PRR16: variants seen among roughly 807,000 people sequenced by gnomAD.
PRR16 encodes the protein protein Largen.
PRR16 carries 6 observed loss-of-function variants against 18.2 expected under a neutral mutation model. The ratio of observed to expected loss-of-function variants is 0.33; its 90% CI spans 0.18 to 0.65. PRR16 has a LOEUF of 0.65. Ranked by LOEUF, PRR16 falls within the 30% of genes least tolerant of loss-of-function variation. PRR16 has a pLI of 0.74. For missense variants in PRR16, 412 were observed against 376.6 expected (o/e 1.09, Z -0.78); for synonymous variants, 151 against 147.8 (o/e 1.02, Z -0.16).
chr5:120,531,487 A>T (rs1404300), intron 1 of PRR16: 1 of 151,702 alleles, frequency 6.6e-6, no homozygotes, highest in African/African-American at 2.4e-5. Flanking sequence ...TCCAGCTTTT[A>T]ATCCGTAATG....
chr5:120,467,398 T>G (rs966587294), intron 1 of PRR16, among the ~76,000 whole-genome samples: 1 of 152,164 alleles, frequency 6.6e-6, no homozygotes, highest in African/African-American at 2.4e-5. Flanking sequence ...ATATAGTATT[T>G]ATTTTTTCTT....
chr5:120,778,539 G>C, the PRR16 span, among the ~76,000 whole-genome samples: 315 of 152,258 alleles, frequency 2.1e-3, 1 homozygote, highest in African/African-American at 7.2e-3. Flanking sequence ...ACGCCGTCTT[G>C]AATAGACAAC....
chr5:120,589,682 T>A (rs572447029), intron 1 of PRR16, among the ~76,000 whole-genome samples: 2 of 152,168 alleles, frequency 1.3e-5, no homozygotes, highest in East Asian at 3.9e-4. Context: ...AAATCCCTGA[T>A]AAAACCATCA....
At chr5:120,487,830 C>T (rs188294953) in intron 1 of PRR16, among the ~76,000 whole-genome samples, 2 of 152,132 alleles carry the variant, frequency 1.3e-5, no homozygotes, top group East Asian at 3.9e-4. Context: ...CCAACAGTAC[C>T]GAATTTATTG....
intron 1 of PRR16, among the ~76,000 whole-genome samples, chr5:120,665,987 C>A (rs994200753): frequency 1.3e-5 from 2 of 152,026 alleles, no homozygotes; most frequent in African/African-American, 4.8e-5. Flanking sequence ...TTTTCCAATT[C>A]TGTGAAGAAA....
chr5:120,767,830 AC>A, the PRR16 span, among the ~76,000 whole-genome samples: 130 of 151,832 alleles, frequency 8.6e-4, 3 homozygotes, highest in South Asian at 0.024. Flanking sequence ...CAATTCCAAT[AC>A]CCCTTCCAAA....
intron 1 of PRR16, among the ~76,000 whole-genome samples, chr5:120,591,822 G>A (rs1753644732): frequency 6.6e-6 from 1 of 152,066 alleles, no homozygotes; most frequent in African/African-American, 2.4e-5. Context: ...GATTAATCGT[G>A]TTGTAAATAA....
chr5:120,754,639 AAG>A, the PRR16 span, among the ~76,000 whole-genome samples: 2 of 126,958 alleles, frequency 1.6e-5, no homozygotes, highest in African/African-American at 6.1e-5. Context: ...ATAATATATA[AAG>A]TATTTATATA....
intron 1 of PRR16, among the ~76,000 whole-genome samples, chr5:120,494,211 T>A (rs1750163629): frequency 6.6e-6 from 1 of 152,146 alleles, no homozygotes. Context: ...CGTCACTACT[T>A]TTTTCTAGTT....
chr5:120,575,908 GC>G (rs1040518872), intron 1 of PRR16, among the ~76,000 whole-genome samples: 8 of 152,118 alleles, frequency 5.3e-5, no homozygotes, highest in Non-Finnish European at 5.9e-5. Context: ...AAGCAAAGGT[GC>G]CAGGTACACA....
At chr5:120,727,761 T>A in the PRR16 span, among the ~76,000 whole-genome samples, 2 of 152,070 alleles carry the variant, frequency 1.3e-5, no homozygotes. Context: ...CATAGATATG[T>A]TAGATATCTA....
Position 120,602,287 on chromosome 5 carries a change from T to C in PRR16, c.160-83667T>C, listed in dbSNP as rs561635380. 2.0e-5 allele frequency among the ~76,000 whole-genome samples: 3 copies of C among 152,212 alleles called. No individual in the cohort carries two copies. In the East Asian group the frequency reaches 5.8e-4, roughly 29 times the overall value. ...AGTACAGATCTTTCACTTCCCTGGTTAGTTATATTCCTCAGTATTTTATTC... is the reference window on the plus strand; with the variant it reads ...AGTACAGATCTTTCACTTCCCTGGTCAGTTATATTCCTCAGTATTTTATTC... On this transcript the variant is annotated intron_variant, in intron 1 of 1. Coordinates refer to ENST00000407149, the MANE Select transcript of PRR16 (RefSeq NM_001300783.2).
At position 120,495,149 on chromosome 5, in the gene PRR16, A is replaced by T. The variant is rs527929361; in HGVS notation, c.159+30504A>T. On this transcript the variant is annotated intron_variant, in intron 1 of 1. Coordinates refer to ENST00000407149, the MANE Select transcript of PRR16 (RefSeq NM_001300783.2). The stretch of plus-strand genomic sequence containing the variant: ...ATACTGCTGGAGTTAGAGAAATTGT[A>T]TACTTTCGAGCATAATTAAAAACTT... Among the ~76,000 whole-genome samples the T allele has an allele frequency of 2.6e-5, 4 of 152,210 alleles. 1 individual carries two copies. The East Asian group carries it at 7.7e-4, about 29-fold the overall frequency.
the PRR16 span, among the ~76,000 whole-genome samples, chr5:120,763,244 T>C: frequency 1.8e-3 from 267 of 152,120 alleles, 1 homozygote; most frequent in African/African-American, 6.1e-3. Flanking sequence ...CCTCCCCGGT[T>C]CAAGCAATTC....
rs993677787 is a variant in PRR16, at chr5:120,464,475, T to C, written c.-12T>C. 3.8e-5 allele frequency: 60 copies of C among 1,581,944 alleles called. No homozygotes were observed. In the Middle Eastern group the frequency reaches 6.6e-4, roughly 17 times the overall value. On this transcript the variant is annotated 5_prime_UTR_variant, in exon 1 of 2. Transcript: ENST00000407149. ...CCCGCCTGTCCTGACCTGCCTCGCT[T>C]GCCCCCAAAGAATGTCAGCCAAGTC...
At chr5:120,586,503 G>T (rs958744338) in intron 1 of PRR16, among the ~76,000 whole-genome samples, 12 of 151,924 alleles carry the variant, frequency 7.9e-5, no homozygotes, top group African/African-American at 2.9e-4. Context: ...CTAACAGCGT[G>T]TGCTTACTTT....
the PRR16 span, among the ~76,000 whole-genome samples, chr5:120,731,243 C>G: frequency 6.6e-6 from 1 of 152,002 alleles, no homozygotes; most frequent in Admixed American, 6.6e-5. Context: ...CTATAGTAAA[C>G]TAAAATATGT....
intron 1 of PRR16, among the ~76,000 whole-genome samples, chr5:120,540,598 T>A (rs1206384114): frequency 2.6e-5 from 4 of 152,100 alleles, no homozygotes; most frequent in Non-Finnish European, 5.9e-5. Flanking sequence ...TCCACCTTCC[T>A]CTCTCCTTTG....
intron 1 of PRR16, among the ~76,000 whole-genome samples, chr5:120,488,243 C>T: frequency 6.6e-6 from 1 of 152,098 alleles, no homozygotes; most frequent in Non-Finnish European, 1.5e-5. Flanking sequence ...CTCCTTGTAC[C>T]TCTGGTAGAA....
Sources: allele counts gnomAD v4.1 joint callset (sites outside exome capture counted in the v4.1 genomes callset), GRCh38; gene constraint gnomAD v4.1.1; transcripts MANE v1.5; gene names NCBI Gene and HGNC (gene_info 2026-07-23, HGNC 2026-07-21).